ITPKC: variants seen among roughly 807,000 people sequenced by gnomAD.
The protein encoded by ITPKC is inositol-trisphosphate 3-kinase C, also known as IP3 3-kinase C.
ITPKC carries 33 observed loss-of-function variants against 67.1 expected under a neutral mutation model. That is an observed-to-expected ratio of 0.49 (90% CI 0.37 to 0.66). The LOEUF (loss-of-function observed/expected upper bound fraction) is 0.66. Among genes scored for constraint, ITPKC ranks in the 30% least tolerant of loss-of-function variants. The pLI is 0.00. For synonymous variants in ITPKC, 341 were observed against 359.8 expected (o/e 0.95, Z 0.59); for missense variants, 820 against 892.1 (o/e 0.92, Z 1.03).
intron 4 of ITPKC, 37 bp downstream of exon 4, chr19:40,733,401 G>C (rs776689346): frequency 1.3e-6 from 2 of 1,559,270 alleles, no homozygotes; most frequent in African/African-American, 2.7e-5. Flanking sequence ...TCCCGGGAAG[G>C]CCTATAGCCA....
intron 2 of ITPKC, among the ~76,000 whole-genome samples, chr19:40,727,784 T>G (rs1315248438): frequency 6.6e-6 from 1 of 152,166 alleles, no homozygotes; most frequent in Non-Finnish European, 1.5e-5. Context: ...CCATAAACCG[T>G]CCCATATTTA....
Position 40,737,754 on chromosome 19 carries a change from C to T in ITPKC, c.1833C>T (p.Phe611=), listed in dbSNP as rs61159620. The T allele has an allele frequency of 1.4e-5, 22 of 1,614,110 alleles. No homozygotes were observed. In the Admixed American group the frequency reaches 3.7e-4, roughly 27 times the overall value. Residue 611 remains phenylalanine, a synonymous_variant, in exon 6 of 7, where the codon TTC becomes TTT. Transcript: ENST00000263370. ...GTGAAGCTCTGGAGATCTCCCCCTTCTTCAAGACCCACGAGGTGCGAGCCC... is the reference window on the plus strand; with the variant it reads ...GTGAAGCTCTGGAGATCTCCCCCTTTTTCAAGACCCACGAGGTGCGAGCCC... ...ELREALEISP[F]FKTHEVVGSS...
chr19:40,733,341 G>C lies in ITPKC; in HGVS notation c.1651G>C (p.Gly551Arg). ...RETMSSTSTL[G>R]FRIEGIKKAD... ...AACCATGAGCTCCACCTCTACCCTG[G>C]GCTTCCGGATCGAGGGCATCAAGGT... Residue 551 changes from glycine (G) to arginine (R), a missense_variant, in exon 4 of 7, where the codon GGC becomes CGC. Around this residue, in one of 2 missense-constraint regions of ITPKC, gnomAD observed 339 missense variants for 422.0 expected, o/e 0.80. Transcript: ENST00000263370. 6.2e-7 allele frequency: 1 copy of C among 1,612,190 alleles called. No individual in the cohort carries two copies.
chr19:40,739,671 G>T lies in ITPKC; in HGVS notation c.*111G>T. 1 of 934,484 alleles carries T rather than the reference G, an allele frequency of 1.1e-6. No individual in the cohort carries two copies. The highest frequency in any genetic ancestry group is 1.6e-6 in the Non-Finnish European group (1 of 624,566). The allele number at this position is 934,484 out of a possible 1,614,324, so 57.9% of individuals were successfully genotyped here. ...ACGGGGGAGCTGGCCTCCAGGGACG[G>T]GAGAGATTGTGTCATGTGCCACACG... On this transcript the variant is annotated 3_prime_UTR_variant, in exon 7 of 7. Coordinates refer to ENST00000263370, the MANE Select transcript of ITPKC (RefSeq NM_025194.3).
intron 6 of ITPKC, 146 bp from the exon 7 acceptor site, chr19:40,739,211 C>T: frequency 1.6e-6 from 1 of 619,570 alleles, no homozygotes; most frequent in East Asian, 2.8e-5. Flanking sequence ...TAAGGCTGCA[C>T]AGACAGGAGG....
intron 6 of ITPKC, 35 bp downstream of exon 6, chr19:40,737,804 G>A: frequency 6.4e-7 from 1 of 1,555,590 alleles, no homozygotes; most frequent in Non-Finnish European, 8.9e-7. Context: ...GGATGTATGG[G>A]TGTCGGGGTC....
At chr19:40,737,463 GA>G (rs2082300005) in intron 5 of ITPKC, among the ~76,000 whole-genome samples, 1 of 152,230 alleles carries the variant, frequency 6.6e-6, no homozygotes, top group Admixed American at 6.5e-5. Flanking sequence ...GGGGTCTGGA[GA>G]CAGACTCCGC....
chr19:40,725,305 T>G (rs1297410961), intron 1 of ITPKC, 35 bp from the exon 2 acceptor site: 1 of 1,441,196 alleles, frequency 6.9e-7, no homozygotes, highest in African/African-American at 1.4e-5. Context: ...TTCCCTGGCC[T>G]TGGCCCTGAC....
chr19:40,719,074 GGAGCCGTGGGGCTGGGAGCC>G (rs2082208600), intron 1 of ITPKC, among the ~76,000 whole-genome samples: 1 of 152,124 alleles, frequency 6.6e-6, no homozygotes, highest in Non-Finnish European at 1.5e-5. Context: ...CGTGGGGCTG[GGAGCCGTGGGGCTGGGAGCC>G]GAGTCCGGAG....
At chr19:40,737,558 T>C (rs1599657080) in intron 5 of ITPKC, 140 bp from the exon 6 acceptor site, 1 of 729,354 alleles carries the variant, frequency 1.4e-6, no homozygotes, top group East Asian at 2.5e-5. Flanking sequence ...TCCTCTGCCC[T>C]GTCTTCCCCA....
At chr19:40,737,894 T>G (rs2082302146) in intron 6 of ITPKC, 125 bp downstream of exon 6, 2 of 755,430 alleles carry the variant, frequency 2.6e-6, no homozygotes, top group Non-Finnish European at 4.5e-6. Flanking sequence ...CCCGCACCTG[T>G]AATACCAGCA....
intron 4 of ITPKC, among the ~76,000 whole-genome samples, chr19:40,733,839 A>G (rs1158989072): frequency 2.0e-5 from 3 of 152,202 alleles, no homozygotes; most frequent in Non-Finnish European, 4.4e-5. Flanking sequence ...GGATTGCTTG[A>G]GGCCAGGAGT....
At chr19:40,726,879 G>A (rs2082248456) in intron 2 of ITPKC, among the ~76,000 whole-genome samples, 2 of 151,614 alleles carry the variant, frequency 1.3e-5, no homozygotes, top group Admixed American at 6.6e-5. Context: ...TTGTCTCTAC[G>A]AAAAATAAAG....
chr19:40,720,298 C>T (rs1451895473), intron 1 of ITPKC, among the ~76,000 whole-genome samples: 4 of 150,150 alleles, frequency 2.7e-5, no homozygotes, highest in East Asian at 2.0e-4. Flanking sequence ...ATGTGGGAGG[C>T]GGAGGTTGCA....
chr19:40,736,403 A>T lies in ITPKC; in HGVS notation c.1675-583A>T, dbSNP rs573600128. The stretch of plus-strand genomic sequence containing the variant: ...TTCAAGGTTGGAAGGGTGTGGAAGG[A>T]CTGGGGCTCAGGCATGTGACCTGGG... On this transcript the variant is annotated intron_variant, in intron 4 of 6. Coordinates refer to ENST00000263370, the MANE Select transcript of ITPKC (RefSeq NM_025194.3). Among the ~76,000 whole-genome samples the T allele has an allele frequency of 6.6e-5, 10 of 152,164 alleles. No individual in the cohort carries two copies. The East Asian group carries it at 1.9e-3, about 29-fold the overall frequency.
In ITPKC at chr19:40,737,268, C is replaced by T. The variant is rs113751600; in HGVS notation, c.1776+181C>T. 3.3e-5 allele frequency among the ~76,000 whole-genome samples: 5 copies of T among 152,356 alleles called. 1 individual carries two copies. The highest frequency in any genetic ancestry group is 1.2e-4 in the African/African-American group (5 of 41,586). On this transcript the variant is annotated intron_variant, in intron 5 of 6. Transcript: ENST00000263370. ...CTGGTCCAGGGGGCCCTGCTCCCAG[C>T]TCTGCCGGTTGGCTCATGACTTGGC...
At chr19:40,731,871 AG>A (rs1174908533) in intron 3 of ITPKC, among the ~76,000 whole-genome samples, 1 of 152,040 alleles carries the variant, frequency 6.6e-6, no homozygotes, top group Non-Finnish European at 1.5e-5. Flanking sequence ...GGCAGGTGAA[AG>A]GAGGGCAGGA....
In ITPKC at chr19:40,737,010, A is replaced by G. The variant is rs1263222326; in HGVS notation, c.1699A>G (p.Asn567Asp). The G allele has an allele frequency of 6.3e-7, 1 of 1,593,490 alleles. No homozygotes were observed. The change falls in exon 5 of 7, where the codon AAC becomes GAC. Residue 567 changes from asparagine to aspartate, a missense_variant. Coordinates refer to ENST00000263370, the MANE Select transcript of ITPKC (RefSeq NM_025194.3). ...IKKADGTCNT[N>D]FKKTQALEQV... is the part of the protein sequence containing the mutation. ...GAAGGCAGATGGGACCTGTAACACC[A>G]ACTTCAAGAAGACGCAGGCACTGGA...
intron 3 of ITPKC, among the ~76,000 whole-genome samples, 159 bp from the exon 4 acceptor site, chr19:40,733,001 C>T (rs764017145): frequency 6.6e-6 from 1 of 152,172 alleles, no homozygotes; most frequent in Non-Finnish European, 1.5e-5. Context: ...GTCATAACTG[C>T]ACAACTCTAC....
Sources: allele counts gnomAD v4.1 joint callset (sites outside exome capture counted in the v4.1 genomes callset), GRCh38; gene constraint gnomAD v4.1.1; regional missense constraint gnomAD v4.1.1; transcripts MANE v1.5; gene names NCBI Gene and HGNC (gene_info 2026-07-23, HGNC 2026-07-21).